Variants in NRXN1 observed in about 807,000 individuals in gnomAD.
The protein encoded by NRXN1 is neurexin-1.
Under a neutral mutation model 150.9 loss-of-function variants are expected in NRXN1, and 39 were observed. That is an observed-to-expected ratio of 0.26 (90% CI 0.20 to 0.34). The LOEUF is 0.34. NRXN1 is among the 10% of genes least tolerant of loss of function. The probability of loss-of-function intolerance (pLI) is 1.00; values close to 1 mark genes in which losing one functional copy is unlikely to be tolerated. For synonymous variants in NRXN1, 924 were observed against 757.0 expected (o/e 1.22, Z -3.62); for missense variants, 1,815 against 1,949.9 (o/e 0.93, Z 1.30).
chr2:50,039,151 T>C (rs1371457071), intron 21 of NRXN1, among the ~76,000 whole-genome samples: 1 of 151,982 alleles, frequency 6.6e-6, no homozygotes, highest in Admixed American at 6.6e-5. Flanking sequence ...TACTCCAGCC[T>C]GAGCAACAAA....
intron 21 of NRXN1, among the ~76,000 whole-genome samples, chr2:50,038,631 C>T (rs1690415079): frequency 1.3e-5 from 2 of 152,136 alleles, no homozygotes; most frequent in Admixed American, 1.3e-4. Context: ...ACTGAAATAA[C>T]ATGTTTCTTA....
At chr2:50,827,484 A>G (rs1559319065) in intron 5 of NRXN1, among the ~76,000 whole-genome samples, 2 of 152,234 alleles carry the variant, frequency 1.3e-5, no homozygotes, top group South Asian at 4.1e-4. Context: ...CTCTGGCTAT[A>G]ATAGTAAAAA....
chr2:50,199,570 G>GCACACACACACA (rs1370294252), intron 18 of NRXN1, among the ~76,000 whole-genome samples: 1 of 127,000 alleles, frequency 7.9e-6, no homozygotes. Context: ...ACACACACAT[G>GCACACACACACA]CACACTGACA....
At chr2:49,965,645 T>A (rs960192060) in intron 21 of NRXN1, among the ~76,000 whole-genome samples, 17 of 152,134 alleles carry the variant, frequency 1.1e-4, no homozygotes, top group African/African-American at 4.1e-4. Context: ...CTATAGACTT[T>A]CACACTGATA....
intron 18 of NRXN1, among the ~76,000 whole-genome samples, chr2:50,208,138 C>T (rs2062749096): frequency 1.3e-5 from 2 of 152,266 alleles, no homozygotes; most frequent in African/African-American, 2.4e-5. Flanking sequence ...AAATGCACTG[C>T]TCATTTCCCT....
intron 5 of NRXN1, among the ~76,000 whole-genome samples, chr2:50,732,528 T>C (rs1698230360): frequency 6.6e-6 from 1 of 152,152 alleles, no homozygotes; most frequent in Non-Finnish European, 1.5e-5. Context: ...CTTTCTATAA[T>C]TTTGCACTTG....
chr2:50,192,734 G>A (rs531355741), intron 18 of NRXN1, among the ~76,000 whole-genome samples: 3 of 152,212 alleles, frequency 2.0e-5, no homozygotes, highest in Non-Finnish European at 2.9e-5. Flanking sequence ...AGCCTCCTGA[G>A]TAGCTGGGAT....
chr2:50,230,812 T>C (rs539067715), intron 18 of NRXN1, among the ~76,000 whole-genome samples: 1 of 152,184 alleles, frequency 6.6e-6, no homozygotes, highest in African/African-American at 2.4e-5. Context: ...TCTGTATTGA[T>C]TCATTTACCT....
At chr2:50,956,137 A>C (rs1692245041) in intron 2 of NRXN1, among the ~76,000 whole-genome samples, 1 of 152,074 alleles carries the variant, frequency 6.6e-6, no homozygotes, top group South Asian at 2.1e-4. Context: ...CTGTTACCAG[A>C]GGTACACAAC....
chr2:50,930,388 A>G (rs1687561460), intron 2 of NRXN1, among the ~76,000 whole-genome samples: 1 of 148,304 alleles, frequency 6.7e-6, no homozygotes, highest in African/African-American at 2.4e-5. Flanking sequence ...AAGAAGAGAA[A>G]AAGAGAAAGG....
chr2:50,564,452 T>G (rs1459708524), intron 8 of NRXN1, among the ~76,000 whole-genome samples: 2 of 152,172 alleles, frequency 1.3e-5, no homozygotes, highest in African/African-American at 4.8e-5. Flanking sequence ...ATTTCGTAAT[T>G]TTATCTCATC....
chr2:50,257,231 A>G (rs918649759), intron 17 of NRXN1, among the ~76,000 whole-genome samples: 1 of 152,046 alleles, frequency 6.6e-6, no homozygotes, highest in South Asian at 2.1e-4. Flanking sequence ...CCGATAATCT[A>G]TTACCTTTTT....
At chr2:50,373,624 A>AG (rs2080208431) in intron 17 of NRXN1, among the ~76,000 whole-genome samples, 4 of 124,314 alleles carry the variant, frequency 3.2e-5, no homozygotes, top group African/African-American at 1.2e-4. Flanking sequence ...AGAGAGAGAA[A>AG]GAAAAGAAAG....
At chr2:50,261,956 T>A (rs976518422) in intron 17 of NRXN1, among the ~76,000 whole-genome samples, 1 of 151,438 alleles carries the variant, frequency 6.6e-6, no homozygotes, top group African/African-American at 2.4e-5. Flanking sequence ...AATAAAGGAG[T>A]TTTTCCAGGT....
chr2:50,214,600 C>A (rs1441888559), intron 18 of NRXN1, among the ~76,000 whole-genome samples: 2 of 151,882 alleles, frequency 1.3e-5, no homozygotes, highest in Non-Finnish European at 2.9e-5. Flanking sequence ...TAAGATAATT[C>A]AAATATAGTC....
intron 5 of NRXN1, among the ~76,000 whole-genome samples, chr2:50,767,742 C>G (rs1347762593): frequency 6.6e-6 from 1 of 151,996 alleles, no homozygotes; most frequent in Non-Finnish European, 1.5e-5. Context: ...TTCAAATTCA[C>G]CTAGGCAATT....
At chr2:50,308,770 G>GTTCAT (rs2074895414) in intron 17 of NRXN1, among the ~76,000 whole-genome samples, 1 of 152,110 alleles carries the variant, frequency 6.6e-6, no homozygotes, top group East Asian at 1.9e-4. Flanking sequence ...TCATTGACAG[G>GTTCAT]CATCATACAT....
intron 5 of NRXN1, among the ~76,000 whole-genome samples, chr2:50,683,146 T>C (rs1333677273): frequency 1.3e-5 from 2 of 152,026 alleles, no homozygotes; most frequent in African/African-American, 4.8e-5. Context: ...ACTACTAATA[T>C]ATTACAAAGT....
chr2:50,695,770 T>A (rs1692738624), intron 5 of NRXN1, among the ~76,000 whole-genome samples: 1 of 152,080 alleles, frequency 6.6e-6, no homozygotes, highest in Admixed American at 6.5e-5. Context: ...CTTTGTGCAT[T>A]AGTTTTTTGA....
Sources: gnomAD v4.1 joint callset for allele counts (sites outside exome capture counted in the v4.1 genomes callset) on GRCh38, gnomAD v4.1.1 for gene constraint, MANE v1.5 for transcripts, NCBI Gene and HGNC (gene_info 2026-07-23, HGNC 2026-07-21) for gene names.